MOB3B: variants seen among roughly 807,000 people sequenced by gnomAD.
MOB3B encodes MOB kinase activator-like 2B.
MOB3B carries 7 observed loss-of-function variants against 18.7 expected under a neutral mutation model. The ratio of observed to expected loss-of-function variants is 0.37; its 90% CI spans 0.21 to 0.70. The LOEUF is 0.70. Ranked by LOEUF, MOB3B falls within the 30% of genes least tolerant of loss-of-function variation. MOB3B has a pLI of 0.52. For synonymous variants in MOB3B, 111 were observed against 99.9 expected, an observed-to-expected ratio of 1.11 and a Z score of -0.66; for missense variants, 253 against 281.3, an observed-to-expected ratio of 0.90 and a Z score of 0.72.
chr9:27,528,443 T>C (rs1376601520), intron 1 of MOB3B, among the ~76,000 whole-genome samples: 1 of 152,250 alleles, frequency 6.6e-6, no homozygotes, highest in Non-Finnish European at 1.5e-5. Flanking sequence ...GCGCCTGGGC[T>C]GAGATCTGAG....
chr9:27,414,892 C>T lies in MOB3B; in HGVS notation c.418+40241G>A, dbSNP rs1417032698. On this transcript the variant is annotated intron_variant, in intron 2 of 3. Transcript: ENST00000262244. Reference sequence around the variant, plus strand: ...TATTTTTTAATTTTTTTTTTTGAGACGCTCTGTCACCCAGGCTGGAGTGCA... The same window carrying T: ...TATTTTTTAATTTTTTTTTTTGAGATGCTCTGTCACCCAGGCTGGAGTGCA... Among the ~76,000 whole-genome samples the T allele has an allele frequency of 1.3e-5, 2 of 151,582 alleles. 1 individual carries two copies. The highest frequency in any genetic ancestry group is 4.2e-4 in the South Asian group (2 of 4,802).
intron 2 of MOB3B, among the ~76,000 whole-genome samples, chr9:27,442,567 C>T (rs890585337): frequency 6.6e-6 from 1 of 152,300 alleles, no homozygotes; most frequent in East Asian, 1.9e-4. Flanking sequence ...GTATTTCTAC[C>T]TCCCACCCTG....
intron 2 of MOB3B, among the ~76,000 whole-genome samples, chr9:27,382,884 C>A (rs1821599086): frequency 6.6e-6 from 1 of 152,094 alleles, no homozygotes; most frequent in Non-Finnish European, 1.5e-5. Context: ...ATCTCATGAA[C>A]TTCCAGGACT....
At chr9:27,495,075 T>C (rs945158445) in intron 1 of MOB3B, among the ~76,000 whole-genome samples, 6 of 152,124 alleles carry the variant, frequency 3.9e-5, no homozygotes, top group African/African-American at 1.4e-4. Context: ...CACAGTGTAA[T>C]TCCAGCACTT....
Position 27,496,015 on chromosome 9 carries a change from T to C in MOB3B, c.-199+33540A>G, listed in dbSNP as rs1470513644. Among the ~76,000 whole-genome samples the C allele has an allele frequency of 3.9e-5, 6 of 152,358 alleles. No individual in the cohort carries two copies. In the East Asian group the frequency reaches 9.6e-4, roughly 24 times the overall value. On this transcript the variant is annotated intron_variant, in intron 1 of 3. Coordinates refer to ENST00000262244, the MANE Select transcript of MOB3B (RefSeq NM_024761.5). ...TGGCAGCATACTGTTATAATTAGCA[T>C]AGATTCTCTTCTAAGGCACATAGAA...
intron 2 of MOB3B, among the ~76,000 whole-genome samples, chr9:27,413,178 A>G (rs1822098753): frequency 6.6e-6 from 1 of 152,184 alleles, no homozygotes; most frequent in Admixed American, 6.5e-5. Flanking sequence ...CCATATCTCC[A>G]TGGCTCCATT....
intron 2 of MOB3B, among the ~76,000 whole-genome samples, chr9:27,426,900 G>C (rs1822342878): frequency 6.6e-6 from 1 of 152,200 alleles, no homozygotes; most frequent in African/African-American, 2.4e-5. Context: ...GAGAGATGGA[G>C]GGTAATGGAA....
At chr9:27,417,791 G>T (rs144932678) in intron 2 of MOB3B, among the ~76,000 whole-genome samples, 1 of 151,774 alleles carries the variant, frequency 6.6e-6, no homozygotes, top group Non-Finnish European at 1.5e-5. Flanking sequence ...GGCCGGGTGC[G>T]GTGGCTCACG....
At chr9:27,441,515 T>A (rs1822594087) in intron 2 of MOB3B, among the ~76,000 whole-genome samples, 1 of 152,160 alleles carries the variant, frequency 6.6e-6, no homozygotes, top group African/African-American at 2.4e-5. Flanking sequence ...ATCTACTAAA[T>A]GAGCAATGGG....
chr9:27,454,033 C>T (rs1197311732), intron 2 of MOB3B, among the ~76,000 whole-genome samples: 1 of 152,132 alleles, frequency 6.6e-6, no homozygotes, highest in Non-Finnish European at 1.5e-5. Flanking sequence ...GGGAACTGGA[C>T]AAGCCAAAGC....
chr9:27,509,064 C>A (rs962949676), intron 1 of MOB3B, among the ~76,000 whole-genome samples: 5 of 152,168 alleles, frequency 3.3e-5, no homozygotes, highest in Non-Finnish European at 5.9e-5. Context: ...CACAGATCTG[C>A]CACTCTCCAG....
chr9:27,520,821 C>T (rs1421742262), intron 1 of MOB3B, among the ~76,000 whole-genome samples: 1 of 152,154 alleles, frequency 6.6e-6, no homozygotes, highest in Non-Finnish European at 1.5e-5. Flanking sequence ...TCAGTGGGAG[C>T]TTGCATGGTG....
chr9:27,343,291 G>C (rs1365936815), intron 3 of MOB3B, among the ~76,000 whole-genome samples: 3 of 151,452 alleles, frequency 2.0e-5, no homozygotes, highest in Admixed American at 2.0e-4. Flanking sequence ...CTCCTTAAGA[G>C]TCATCACCAC....
intron 2 of MOB3B, among the ~76,000 whole-genome samples, chr9:27,436,675 G>C (rs1037530535): frequency 6.6e-6 from 1 of 152,052 alleles, no homozygotes; most frequent in African/African-American, 2.4e-5. Flanking sequence ...CATTTTATTT[G>C]ACTTTTTAGT....
At chr9:27,464,909 CT>C (rs1819355901) in intron 1 of MOB3B, among the ~76,000 whole-genome samples, 2 of 152,124 alleles carry the variant, frequency 1.3e-5, no homozygotes, top group South Asian at 4.1e-4. Context: ...TTATCTCCCC[CT>C]GGGTCCCTGC....
At chr9:27,385,230 G>A (rs1234313027) in intron 2 of MOB3B, among the ~76,000 whole-genome samples, 2 of 152,140 alleles carry the variant, frequency 1.3e-5, no homozygotes, top group African/African-American at 4.8e-5. Context: ...TTATATTCAC[G>A]TAACTTTTTT....
chr9:27,494,336 C>A (rs1819866676), intron 1 of MOB3B, among the ~76,000 whole-genome samples: 1 of 152,194 alleles, frequency 6.6e-6, no homozygotes, highest in South Asian at 2.1e-4. Context: ...CTGTGACCCA[C>A]ACCTATTTGC....
chr9:27,467,716 T>C (rs1194639433), intron 1 of MOB3B, among the ~76,000 whole-genome samples: 3 of 152,242 alleles, frequency 2.0e-5, no homozygotes, highest in African/African-American at 4.8e-5. Flanking sequence ...TGACCTTTTT[T>C]CCTCCTGCGA....
At chr9:27,499,644 C>G (rs1055577899) in intron 1 of MOB3B, among the ~76,000 whole-genome samples, 6 of 152,182 alleles carry the variant, frequency 3.9e-5, no homozygotes, top group Non-Finnish European at 8.8e-5. Flanking sequence ...TCCACACTGC[C>G]ATTTCTCGTT....
Sources: gnomAD v4.1 joint callset for allele counts (sites outside exome capture counted in the v4.1 genomes callset) on GRCh38, gnomAD v4.1.1 for gene constraint, MANE v1.5 for transcripts, NCBI Gene and HGNC (gene_info 2026-07-23, HGNC 2026-07-21) for gene names.